DNAAF1: variants seen among roughly 807,000 people sequenced by gnomAD.
DNAAF1 encodes dynein assembly factor 1, axonemal.
A neutral mutation model predicts 71.1 loss-of-function variants in DNAAF1; 65 were observed. The observed-to-expected ratio is 0.91, with a 90% CI of 0.75 to 1.12. DNAAF1 has a LOEUF of 1.12. Ranked by LOEUF, DNAAF1 falls within the 50% of genes most tolerant of loss-of-function variation. DNAAF1 has a pLI of 0.00. For synonymous variants in DNAAF1, 414 were observed against 354.6 expected (o/e 1.17, Z -1.88); for missense variants, 1,178 against 899.8 (o/e 1.31, Z -3.96).
chr16:84,149,982 G>C (rs911888071), intron 2 of DNAAF1, among the ~76,000 whole-genome samples: 6 of 150,488 alleles, frequency 4.0e-5, no homozygotes, highest in African/African-American at 9.8e-5. Context: ...CTGAGATTGT[G>C]CCATTGCACT....
At chr16:84,146,420 A>G (rs780812621) in intron 1 of DNAAF1, among the ~76,000 whole-genome samples, 2 of 152,076 alleles carry the variant, frequency 1.3e-5, no homozygotes, top group Non-Finnish European at 2.9e-5. Flanking sequence ...AATGGACTTG[A>G]AAGATAACCT....
intron 4 of DNAAF1, 68 bp downstream of exon 4, chr16:84,154,866 T>G: frequency 7.7e-7 from 1 of 1,298,848 alleles, no homozygotes; most frequent in Non-Finnish European, 1.1e-6. Context: ...AGGGATGTTC[T>G]AAGCTTTTAT....
chr16:84,167,327 A>G (rs1008438376), intron 7 of DNAAF1, among the ~76,000 whole-genome samples: 3 of 152,194 alleles, frequency 2.0e-5, no homozygotes, highest in South Asian at 2.1e-4. Flanking sequence ...GTGTTCAGCA[A>G]CTTGGAAGCT....
chr16:84,162,053 T>C (rs999352380), intron 6 of DNAAF1: 3 of 152,206 alleles, frequency 2.0e-5, no homozygotes, highest in Non-Finnish European at 2.9e-5. Flanking sequence ...TTTCTTACTG[T>C]GTGGTAAATG....
intron 6 of DNAAF1, among the ~76,000 whole-genome samples, chr16:84,160,813 T>C (rs1440627222): frequency 1.4e-5 from 2 of 147,830 alleles, no homozygotes; most frequent in African/African-American, 2.6e-5. Flanking sequence ...TGGGCGCCTG[T>C]AGTCCCAGCT....
intron 2 of DNAAF1, among the ~76,000 whole-genome samples, chr16:84,149,757 G>C (rs1444092116): frequency 6.6e-6 from 1 of 151,158 alleles, no homozygotes; most frequent in Non-Finnish European, 1.5e-5. Context: ...AAGCGTGGTG[G>C]CCCTTGCCTG....
chr16:84,157,409 G>C (rs1336653928), intron 5 of DNAAF1, among the ~76,000 whole-genome samples: 1 of 151,098 alleles, frequency 6.6e-6, no homozygotes, highest in African/African-American at 2.4e-5. Flanking sequence ...TGTGATCTCA[G>C]CTACTTGGGA....
chr16:84,159,171 C>T, intron 5 of DNAAF1: 2 of 1,001,192 alleles, frequency 2.0e-6, no homozygotes, highest in Non-Finnish European at 2.4e-6. Context: ...GAGCTGTAAG[C>T]CGAGGAAGAA....
chr16:84,172,762 T>C, intron 9 of DNAAF1: 10 of 1,143,238 alleles, frequency 8.7e-6, no homozygotes, highest in East Asian at 6.2e-5. Flanking sequence ...ATCAGTTACA[T>C]TGTATCTTTA....
At chr16:84,174,011 A>T (rs2088522503) in intron 9 of DNAAF1, 1 of 176,174 alleles carries the variant, frequency 5.7e-6, no homozygotes, top group Non-Finnish European at 1.1e-5. Context: ...TGATTGATGT[A>T]ACCCTTCCTA....
chr16:84,175,285 G>C (rs12597782), intron 10 of DNAAF1: 74,395 of 172,084 alleles, frequency 0.43, 16,467 homozygotes, highest in East Asian at 0.5. Context: ...TGCATAGTTA[G>C]CTGAAAGTAC....
intron 9 of DNAAF1, chr16:84,173,541 AAAG>A: frequency 3.8e-5 from 37 of 983,994 alleles, no homozygotes; most frequent in Middle Eastern, 5.3e-4. Flanking sequence ...TATGTAAAAA[AAAG>A]AAACAAAGGC....
rs528035677 is a variant in DNAAF1, at chr16:84,165,071, C to A, written c.864-712C>A. Reference sequence around the variant, plus strand: ...TCTCTATATCTTTTTTGGTGAGGTACCCTGATCATTTGCCCAGTTTTTTAT... The same window carrying A: ...TCTCTATATCTTTTTTGGTGAGGTAACCTGATCATTTGCCCAGTTTTTTAT... On this transcript the variant is annotated intron_variant, in intron 6 of 11. Transcript: ENST00000378553. Among the ~76,000 whole-genome samples the A allele has an allele frequency of 4.6e-5, 7 of 152,280 alleles. No individual in the cohort carries two copies. In the South Asian group the frequency reaches 8.3e-4, roughly 18 times the overall value.
intron 5 of DNAAF1, among the ~76,000 whole-genome samples, chr16:84,157,790 A>G (rs181330088): frequency 6.6e-6 from 1 of 152,216 alleles, no homozygotes; most frequent in Non-Finnish European, 1.5e-5. Flanking sequence ...CTATCAAAAG[A>G]CTAGTTTAGA....
intron 1 of DNAAF1, among the ~76,000 whole-genome samples, chr16:84,148,596 C>CTTTTTTTT (rs765676142): frequency 0.012 from 509 of 43,544 alleles, 51 homozygotes; most frequent in Non-Finnish European, 0.015. Context: ...CTCTCTCTCT[C>CTTTTTTTT]TTTTTTTTTT....
Position 84,154,558 on chromosome 16 carries a change from C to T in DNAAF1, c.353-19C>T, listed in dbSNP as rs528511752. The T allele has an allele frequency of 6.9e-5, 112 of 1,611,604 alleles. No individual in the cohort carries two copies. Among genetic ancestry groups the T allele is most frequent in the Middle Eastern group, 1.8e-4 (1 of 5,584 alleles). On this transcript the variant is annotated intron_variant, in intron 3 of 11. Coordinates refer to ENST00000378553, the MANE Select transcript of DNAAF1 (RefSeq NM_178452.6). Reference sequence around the variant, plus strand: ...CCTGGGAGTAGGAGCTTAATTCCCACGTGCTTCCTTTTTGTTAGGTTTTGA... The same window carrying T: ...CCTGGGAGTAGGAGCTTAATTCCCATGTGCTTCCTTTTTGTTAGGTTTTGA...
At chr16:84,158,989 C>T (rs547171212) in intron 5 of DNAAF1, 473 of 979,432 alleles carry the variant, frequency 4.8e-4, no homozygotes, top group Admixed American at 5.5e-4. Flanking sequence ...CCTCAGCCTC[C>T]CAAAGTGCTG....
intron 3 of DNAAF1, among the ~76,000 whole-genome samples, chr16:84,151,829 G>A (rs2087199857): frequency 6.6e-6 from 1 of 152,202 alleles, no homozygotes; most frequent in South Asian, 2.1e-4. Flanking sequence ...GTCAGCCAGA[G>A]GCCTTAATTT....
In DNAAF1 at chr16:84,168,004, C is replaced by G. The variant is rs142122293; in HGVS notation, c.1031-1855C>G. On this transcript the variant is annotated intron_variant, in intron 7 of 11. Coordinates refer to ENST00000378553, the MANE Select transcript of DNAAF1 (RefSeq NM_178452.6). The stretch of plus-strand genomic sequence containing the variant: ...CGCACTCCAGCCTGGGCGACAAGAG[C>G]GAAACTCCATCTCAAAAAAAAAAAA... Among the ~76,000 whole-genome samples the G allele has an allele frequency of 1.0e-3, 151 of 150,672 alleles. 3 individuals carry two copies. In the East Asian group the frequency reaches 0.028, roughly 28 times the overall value.
Sources: allele counts gnomAD v4.1 joint callset (sites outside exome capture counted in the v4.1 genomes callset), GRCh38; gene constraint gnomAD v4.1.1; transcripts MANE v1.5; gene names NCBI Gene and HGNC (gene_info 2026-07-23, HGNC 2026-07-21).